Variants in EFCAB6 observed in about 807,000 individuals in gnomAD.
The protein encoded by EFCAB6 is EF-hand calcium-binding domain-containing protein 6.
In EFCAB6, 156 loss-of-function variants were observed where a neutral mutation model predicts 169.8. That is an observed-to-expected ratio of 0.92 (90% CI 0.81 to 1.05). EFCAB6 has a LOEUF of 1.05. Ranked by LOEUF, EFCAB6 falls within the 50% of genes least tolerant of loss-of-function variation. EFCAB6 has a pLI of 0.00. For synonymous variants in EFCAB6, 698 were observed against 676.4 expected, an observed-to-expected ratio of 1.03 and a Z score of -0.50; for missense variants, 1,800 against 1,829.1, an observed-to-expected ratio of 0.98 and a Z score of 0.29.
At chr22:43,697,949 G>A (rs983364643) in intron 10 of EFCAB6, among the ~76,000 whole-genome samples, 3 of 152,134 alleles carry the variant, frequency 2.0e-5, no homozygotes, top group African/African-American at 4.8e-5. Context: ...TGATCATATC[G>A]GTCATAGGGA....
At chr22:43,604,455 A>G (rs2052764136) in intron 22 of EFCAB6, among the ~76,000 whole-genome samples, 1 of 152,220 alleles carries the variant, frequency 6.6e-6, no homozygotes, top group African/African-American at 2.4e-5. Context: ...CCTGGCTAGC[A>G]CATCTCCAAG....
intron 13 of EFCAB6, among the ~76,000 whole-genome samples, chr22:43,673,887 A>C (rs2057604288): frequency 6.6e-6 from 1 of 152,052 alleles, no homozygotes; most frequent in South Asian, 2.1e-4. Context: ...ATGTGGCGTG[A>C]ACCTGGGAGG....
chr22:43,792,174 A>G (rs751420692), intron 2 of EFCAB6, among the ~76,000 whole-genome samples: 1 of 152,190 alleles, frequency 6.6e-6, no homozygotes, highest in Non-Finnish European at 1.5e-5. Context: ...AGATCACAGG[A>G]CACAGAATGA....
intron 17 of EFCAB6, among the ~76,000 whole-genome samples, chr22:43,662,453 A>T (rs2057052829): frequency 6.6e-6 from 1 of 152,144 alleles, no homozygotes; most frequent in Non-Finnish European, 1.5e-5. Context: ...ACCAGCCAAC[A>T]TCTAAGTGCA....
At chr22:43,802,372 T>C (rs1179123439) in intron 2 of EFCAB6, among the ~76,000 whole-genome samples, 2 of 151,682 alleles carry the variant, frequency 1.3e-5, no homozygotes, top group Non-Finnish European at 2.9e-5. Flanking sequence ...CTACTAAAAC[T>C]ATGAAAAATT....
At chr22:43,782,360 A>C (rs2061855073) in intron 2 of EFCAB6, 35 bp from the exon 3 acceptor site, 1 of 1,597,176 alleles carries the variant, frequency 6.3e-7, no homozygotes, top group African/African-American at 1.3e-5. Flanking sequence ...ACGTTACCTT[A>C]AAGAGCATAC....
At chr22:43,637,194 C>T (rs577879570) in intron 17 of EFCAB6, among the ~76,000 whole-genome samples, 58 of 152,290 alleles carry the variant, frequency 3.8e-4, no homozygotes, top group Admixed American at 2.5e-3. Context: ...TGTCAGGAGA[C>T]GGTTTCTCCT....
chr22:43,737,796 C>G (rs1045061888), intron 6 of EFCAB6, among the ~76,000 whole-genome samples: 4 of 151,164 alleles, frequency 2.6e-5, no homozygotes, highest in Middle Eastern at 3.5e-3. Flanking sequence ...TACACACACA[C>G]ACCTGTGCAT....
intron 23 of EFCAB6, among the ~76,000 whole-genome samples, chr22:43,597,109 AT>A (rs1218703765): frequency 6.6e-6 from 1 of 152,254 alleles, no homozygotes; most frequent in African/African-American, 2.4e-5. Context: ...CTCAAAATGG[AT>A]TAAAAACTTA....
At chr22:43,738,593 C>T (rs933734699) in intron 6 of EFCAB6, among the ~76,000 whole-genome samples, 3 of 151,796 alleles carry the variant, frequency 2.0e-5, no homozygotes, top group African/African-American at 7.3e-5. Context: ...ACACACACAC[C>T]ATCACTCACA....
At chr22:43,637,579 G>A (rs2055506392) in intron 17 of EFCAB6, among the ~76,000 whole-genome samples, 1 of 152,226 alleles carries the variant, frequency 6.6e-6, no homozygotes, top group Admixed American at 6.5e-5. Context: ...GAGAAAAAAG[G>A]GAAGGGATGG....
intron 8 of EFCAB6, among the ~76,000 whole-genome samples, chr22:43,728,519 C>T (rs189073138): frequency 3.3e-5 from 5 of 152,328 alleles, no homozygotes; most frequent in Admixed American, 1.3e-4. Context: ...CTAACTTACA[C>T]TCCCACCAAC....
rs555722018 is a variant in EFCAB6 at position 43,688,940 on chromosome 22, A to G, written c.1032-1359T>C. Among the ~76,000 whole-genome samples, 5 of 152,380 alleles carry G rather than the reference A, an allele frequency of 3.3e-5. No homozygotes were observed. In the South Asian group the frequency reaches 6.2e-4, roughly 19 times the overall value. ...AACTGGTTAGACAAACAAATTCTTT[A>G]TCTACATCTAGGGTATTAAAAAATT... On this transcript the variant is annotated intron_variant, in intron 10 of 31. Coordinates refer to ENST00000262726, the MANE Select transcript of EFCAB6 (RefSeq NM_022785.4).
At chr22:43,595,017 C>T (rs2051887715) in intron 23 of EFCAB6, among the ~76,000 whole-genome samples, 1 of 151,942 alleles carries the variant, frequency 6.6e-6, no homozygotes, top group South Asian at 2.1e-4. Flanking sequence ...ACAACATGCT[C>T]CTGAATGACC....
intron 17 of EFCAB6, among the ~76,000 whole-genome samples, chr22:43,648,372 C>G (rs935216684): frequency 6.6e-6 from 1 of 152,120 alleles, no homozygotes; most frequent in Non-Finnish European, 1.5e-5. Context: ...GAATACTACA[C>G]TGCCATAAAA....
intron 8 of EFCAB6, among the ~76,000 whole-genome samples, chr22:43,719,468 G>A (rs910512895): frequency 2.0e-5 from 3 of 152,144 alleles, no homozygotes; most frequent in African/African-American, 7.2e-5. Flanking sequence ...GAACACAAAT[G>A]GAACCAAAAC....
At chr22:43,754,787 A>G (rs1164250324) in intron 6 of EFCAB6, among the ~76,000 whole-genome samples, 1 of 152,246 alleles carries the variant, frequency 6.6e-6, no homozygotes, top group Non-Finnish European at 1.5e-5. Flanking sequence ...CTTTTCCAGA[A>G]GCATATCATG....
At chr22:43,805,791 A>G (rs1203056569) in intron 2 of EFCAB6, among the ~76,000 whole-genome samples, 1 of 152,218 alleles carries the variant, frequency 6.6e-6, no homozygotes, top group Non-Finnish European at 1.5e-5. Context: ...AATTATATGA[A>G]TGTATTAAAT....
rs2053062946 is a variant in EFCAB6, at chr22:43,608,352, C to T, written c.2681+130G>A. 11 of 738,716 alleles carry T rather than the reference C, an allele frequency of 1.5e-5. No homozygotes were observed. The East Asian group carries it at 2.9e-4, about 20-fold the overall frequency. The allele number at this position is 738,716 out of a possible 1,614,324, so 45.8% of individuals were successfully genotyped here. On this transcript the variant is annotated intron_variant, in intron 22 of 31. Coordinates refer to ENST00000262726, the MANE Select transcript of EFCAB6 (RefSeq NM_022785.4). Reference sequence around the variant, plus strand: ...ACAAGGAAAGACACAGGAGATGAGACAGATGCAACCAAGAGAAAATACTCC... The same window carrying T: ...ACAAGGAAAGACACAGGAGATGAGATAGATGCAACCAAGAGAAAATACTCC...
Sources: gnomAD v4.1 joint callset for allele counts (sites outside exome capture counted in the v4.1 genomes callset) on GRCh38, gnomAD v4.1.1 for gene constraint, MANE v1.5 for transcripts, NCBI Gene and HGNC (gene_info 2026-07-23, HGNC 2026-07-21) for gene names.